RGS6: variants seen among roughly 807,000 people sequenced by gnomAD.
RGS6 encodes regulator of G protein signaling 6.
A neutral mutation model predicts 78.5 loss-of-function variants in RGS6; 30 were observed. The ratio of observed to expected loss-of-function variants is 0.38; its 90% confidence interval spans 0.29 to 0.52. The LOEUF (loss-of-function observed/expected upper bound fraction) is 0.52. Among genes scored for constraint, RGS6 ranks in the 20% least tolerant of loss-of-function variants. RGS6 has a pLI of 0.85. For missense variants in RGS6, 495 were observed against 609.7 expected (o/e 0.81, Z 1.98); for synonymous variants, 206 against 206.0 (o/e 1.00, Z 0.00).
the RGS6 span, among the ~76,000 whole-genome samples, chr14:72,580,138 G>C: frequency 2.0e-5 from 3 of 152,188 alleles, no homozygotes; most frequent in African/African-American, 7.2e-5. Context: ...GTAAGAGTAA[G>C]AGGCACTAAT....
At chr14:72,221,206 A>T (rs1015759139) in intron 2 of RGS6, among the ~76,000 whole-genome samples, 3 of 152,180 alleles carry the variant, frequency 2.0e-5, no homozygotes, top group Non-Finnish European at 4.4e-5. Context: ...AATTTTTTAC[A>T]TACCAAAAAA....
At chr14:72,541,609 G>C in intron 17 of RGS6, 1 of 1,535,638 alleles carries the variant, frequency 6.5e-7, no homozygotes, top group Non-Finnish European at 8.7e-7. Flanking sequence ...CTCCATGATG[G>C]CCTGAGAGAA....
chr14:71,955,902 A>G (rs959551305), intron 1 of RGS6, among the ~76,000 whole-genome samples: 1 of 152,138 alleles, frequency 6.6e-6, no homozygotes, highest in Non-Finnish European at 1.5e-5. Flanking sequence ...ACTTTCCCCC[A>G]TAAGAAAAAG....
chr14:72,522,057 G>T (rs947680217), intron 15 of RGS6, among the ~76,000 whole-genome samples: 1 of 152,142 alleles, frequency 6.6e-6, no homozygotes. Flanking sequence ...TACGTGTAAG[G>T]TCTGCTCAGG....
intron 2 of RGS6, among the ~76,000 whole-genome samples, chr14:72,082,870 C>A (rs1311338508): frequency 6.6e-6 from 1 of 152,068 alleles, no homozygotes; most frequent in African/African-American, 2.4e-5. Context: ...ATGCTTTTGG[C>A]TCCAAGTTAC....
intron 2 of RGS6, among the ~76,000 whole-genome samples, chr14:72,015,349 A>G (rs548877728): frequency 5.3e-5 from 8 of 152,352 alleles, no homozygotes; most frequent in African/African-American, 1.4e-4. Context: ...ATCCGCCATT[A>G]TGGCCCAAAC....
At chr14:72,612,876 G>A in the RGS6 span, among the ~76,000 whole-genome samples, 1 of 152,222 alleles carries the variant, frequency 6.6e-6, no homozygotes, top group Admixed American at 6.5e-5. Flanking sequence ...GAGGCTGAGA[G>A]CTGGAGGAGC....
intron 13 of RGS6, among the ~76,000 whole-genome samples, chr14:72,507,810 T>C (rs2096827639): frequency 6.6e-6 from 1 of 152,154 alleles, no homozygotes; most frequent in African/African-American, 2.4e-5. Context: ...ACTAGTACCA[T>C]CCCTGGAGAG....
intron 2 of RGS6, among the ~76,000 whole-genome samples, chr14:72,273,638 A>C (rs1002860112): frequency 6.6e-6 from 1 of 152,220 alleles, no homozygotes; most frequent in African/African-American, 2.4e-5. Context: ...TGAAGGCATT[A>C]GTTTCACTTA....
intron 2 of RGS6, among the ~76,000 whole-genome samples, chr14:72,066,386 G>A (rs1341975390): frequency 1.3e-5 from 2 of 151,868 alleles, no homozygotes; most frequent in Non-Finnish European, 2.9e-5. Context: ...CCAGCAACTA[G>A]CAATTTTAGT....
chr14:72,450,862 C>G (rs2095475088), intron 3 of RGS6, among the ~76,000 whole-genome samples: 1 of 152,212 alleles, frequency 6.6e-6, no homozygotes, highest in African/African-American at 2.4e-5. Flanking sequence ...GATGTTTGGA[C>G]TACTCTTGTC....
intron 3 of RGS6, among the ~76,000 whole-genome samples, chr14:72,372,266 C>G (rs1475226480): frequency 6.6e-6 from 1 of 152,168 alleles, no homozygotes; most frequent in Admixed American, 6.5e-5. Flanking sequence ...AACACGTTGA[C>G]TTTAATAAGG....
chr14:72,118,226 T>C (rs763896396), intron 2 of RGS6, among the ~76,000 whole-genome samples: 24 of 152,006 alleles, frequency 1.6e-4, no homozygotes, highest in Non-Finnish European at 3.2e-4. Flanking sequence ...CGTAAGGCTA[T>C]AATGGGAGAC....
chr14:72,535,955 C>T (rs1567075285), intron 15 of RGS6, among the ~76,000 whole-genome samples: 2 of 152,194 alleles, frequency 1.3e-5, no homozygotes, highest in South Asian at 2.1e-4. Flanking sequence ...ACAAATCCCT[C>T]AGGACATGAT....
rs897909606 is a variant in RGS6 at position 72,364,026 on chromosome 14, A to C, written c.184+11832A>C. Among the ~76,000 whole-genome samples the C allele has an allele frequency of 2.0e-4, 29 of 148,356 alleles. 1 individual carries two copies. Among genetic ancestry groups the C allele is most frequent in the Admixed American group, 6.8e-5 (1 of 14,744 alleles). ...AAAAAAAAAAAAAAAAAAAAAAAAA[A>C]CTCTATATTTATATGATGGAGTTCT... On this transcript the variant is annotated intron_variant, in intron 3 of 17. Transcript: ENST00000553525.
intron 2 of RGS6, among the ~76,000 whole-genome samples, chr14:72,332,745 G>A (rs2075313402): frequency 6.6e-6 from 1 of 152,182 alleles, no homozygotes; most frequent in Non-Finnish European, 1.5e-5. Context: ...CCAAGGAGAG[G>A]GTGGGGGCTG....
intron 1 of RGS6, chr14:71,933,390 A>C (rs1434118142): frequency 7.2e-6 from 1 of 139,588 alleles, no homozygotes; most frequent in Non-Finnish European, 1.6e-5. Flanking sequence ...AAAGAAAGCG[A>C]GTCTCCGCGG....
chr14:72,093,879 A>G (rs1017928423), intron 2 of RGS6, among the ~76,000 whole-genome samples: 8 of 152,228 alleles, frequency 5.3e-5, no homozygotes, highest in Non-Finnish European at 7.3e-5. Flanking sequence ...TTGATTGACT[A>G]TGTAAAAACT....
chr14:72,342,208 A>G (rs750277435), intron 2 of RGS6, among the ~76,000 whole-genome samples: 17 of 149,968 alleles, frequency 1.1e-4, no homozygotes, highest in Middle Eastern at 3.2e-3. Context: ...GAGATGAGAA[A>G]TAAAAAAGGA....
Sources: allele counts gnomAD v4.1 joint callset (sites outside exome capture counted in the v4.1 genomes callset), GRCh38; gene constraint gnomAD v4.1.1; transcripts MANE v1.5; gene names NCBI Gene and HGNC (gene_info 2026-07-23, HGNC 2026-07-21).